The following SLCO1B3 variants were observed in gnomAD, a reference collection of about 807,000 sequenced individuals.
The protein encoded by SLCO1B3 is solute carrier organic anion transporter family member 1B3, also known as liver-specific organic anion transporter 2.
In SLCO1B3, 72 loss-of-function variants were observed where a neutral mutation model predicts 71.8. The ratio of observed to expected loss-of-function variants is 1.00; its 90% CI spans 0.83 to 1.22. The LOEUF is 1.22. Among genes scored for constraint, SLCO1B3 ranks in the 50% most tolerant of loss-of-function variants. The probability of loss-of-function intolerance (pLI) is 0.00; values close to 1 mark genes in which losing one functional copy is unlikely to be tolerated. For synonymous variants in SLCO1B3, 298 were observed against 278.4 expected (o/e 1.07, Z -0.70); for missense variants, 911 against 819.7 (o/e 1.11, Z -1.36).
At chr12:20,819,451 A>C (rs187211100) in intron 3 of SLCO1B3, among the ~76,000 whole-genome samples, 1 of 152,276 alleles carries the variant, frequency 6.6e-6, no homozygotes, top group African/African-American at 2.4e-5. Context: ...AAGCGAAGAG[A>C]GGCTTGGATG....
intron 3 of SLCO1B3, among the ~76,000 whole-genome samples, chr12:20,843,802 T>A (rs1041923672): frequency 5.3e-5 from 8 of 151,730 alleles, no homozygotes; most frequent in African/African-American, 1.9e-4. Flanking sequence ...AAAGTACTAT[T>A]AATCTTTTGT....
intron 3 of SLCO1B3, among the ~76,000 whole-genome samples, chr12:20,842,101 G>A (rs1441328512): frequency 6.6e-6 from 1 of 151,834 alleles, no homozygotes. Flanking sequence ...TCACCGTATT[G>A]GTCAGGCTGG....
chr12:20,830,739 G>C (rs1180072971), intron 3 of SLCO1B3, among the ~76,000 whole-genome samples: 1 of 152,130 alleles, frequency 6.6e-6, no homozygotes, highest in Non-Finnish European at 1.5e-5. Context: ...AGGGAACATA[G>C]AGTTTGTTTG....
chr12:20,884,772 GAAA>G (rs954353165), intron 13 of SLCO1B3, among the ~76,000 whole-genome samples: 4 of 141,496 alleles, frequency 2.8e-5, no homozygotes, highest in Admixed American at 7.0e-5. Flanking sequence ...TGACATGGTA[GAAA>G]AAAAAAAAGC....
At chr12:20,816,383 C>T (rs1864194252) in intron 3 of SLCO1B3, among the ~76,000 whole-genome samples, 1 of 152,156 alleles carries the variant, frequency 6.6e-6, no homozygotes, top group African/African-American at 2.4e-5. Context: ...TGGTAACCAT[C>T]CTTCTACTCA....
At chr12:20,880,246 A>G (rs574412526) in intron 11 of SLCO1B3, among the ~76,000 whole-genome samples, 20 of 151,274 alleles carry the variant, frequency 1.3e-4, no homozygotes, top group Admixed American at 1.1e-3. Flanking sequence ...ACAGTATTAT[A>G]GTTTTATTCA....
chr12:20,841,596 CA>C lies in SLCO1B3; in HGVS notation c.85-13431del, dbSNP rs1294488263. ...TTCTTTTCAACTTTTATTTTAGGTT[CA>C]GGGGGTACATATGCAGGTTTGTTAC... On this transcript the variant is annotated intron_variant, in intron 3 of 15. Coordinates refer to ENST00000381545, the MANE Select transcript of SLCO1B3 (RefSeq NM_019844.4). Among the ~76,000 whole-genome samples the C allele has an allele frequency of 9.2e-5, 14 of 152,124 alleles. No individual in the cohort carries two copies. The East Asian group carries it at 1.7e-3, about 19-fold the overall frequency.
chr12:20,874,274 G>T (rs1865533920), intron 8 of SLCO1B3, among the ~76,000 whole-genome samples: 1 of 152,142 alleles, frequency 6.6e-6, no homozygotes. Context: ...AGTTTAAACT[G>T]CTAGTTTTTC....
At chr12:20,866,721 C>T (rs1865379149) in intron 8 of SLCO1B3, among the ~76,000 whole-genome samples, 1 of 80,850 alleles carries the variant, frequency 1.2e-5, no homozygotes, top group Admixed American at 1.6e-4. Context: ...GATGAAAGTG[C>T]CCTATTCTGG....
At chr12:20,850,639 T>C (rs544290856) in intron 3 of SLCO1B3, among the ~76,000 whole-genome samples, 2 of 152,330 alleles carry the variant, frequency 1.3e-5, no homozygotes, top group East Asian at 1.9e-4. Flanking sequence ...AGGTAGTTTT[T>C]CTATTCGCTG....
intron 4 of SLCO1B3, among the ~76,000 whole-genome samples, chr12:20,857,353 A>G (rs2121233478): frequency 6.6e-6 from 1 of 152,018 alleles, no homozygotes; most frequent in East Asian, 1.9e-4. Flanking sequence ...TTCTTCCTGT[A>G]TTTTATTCTT....
Position 20,916,363 on chromosome 12 carries a change from C to A in SLCO1B3, c.*116C>A. On this transcript the variant is annotated 3_prime_UTR_variant, in exon 16 of 16. Coordinates refer to ENST00000381545, the MANE Select transcript of SLCO1B3 (RefSeq NM_019844.4). ...GATAAGTCTATGCATCTATAATAAA[C>A]TATAAAAAATGGGAGTACCCATGGT... 1.0e-6 allele frequency: 1 copy of A among 989,696 alleles called. No individual in the cohort carries two copies. The highest frequency in any genetic ancestry group is 1.5e-6 in the Non-Finnish European group (1 of 668,312). 61.3% of individuals were successfully genotyped at this position (989,696 alleles called of 1,614,324 possible).
intron 3 of SLCO1B3, among the ~76,000 whole-genome samples, chr12:20,848,442 A>C (rs1864958561): frequency 6.6e-6 from 1 of 152,182 alleles, no homozygotes; most frequent in South Asian, 2.1e-4. Context: ...TTATGAATCT[A>C]AAGACAGGCT....
chr12:20,857,491 A>G (rs1379061056), intron 4 of SLCO1B3, among the ~76,000 whole-genome samples: 2 of 151,070 alleles, frequency 1.3e-5, no homozygotes, highest in Non-Finnish European at 3.0e-5. Context: ...GTGTGATGTC[A>G]TCTTTTATAT....
chr12:20,896,207 C>T (rs1866003707), intron 13 of SLCO1B3, among the ~76,000 whole-genome samples: 1 of 63,692 alleles, frequency 1.6e-5, no homozygotes, highest in Admixed American at 1.8e-4. Flanking sequence ...AATTAACATT[C>T]AGCTTTCAAA....
chr12:20,852,695 T>C (rs941783471), intron 3 of SLCO1B3, among the ~76,000 whole-genome samples: 3 of 152,218 alleles, frequency 2.0e-5, no homozygotes, highest in Non-Finnish European at 4.4e-5. Flanking sequence ...TTATCTTTTT[T>C]ATGATCTAGT....
chr12:20,892,621 A>G (rs1334185592), intron 13 of SLCO1B3, among the ~76,000 whole-genome samples: 1 of 152,182 alleles, frequency 6.6e-6, no homozygotes, highest in African/African-American at 2.4e-5. Context: ...GTAGTGATGA[A>G]GAATATTGAA....
chr12:20,844,865 A>G (rs983495325), intron 3 of SLCO1B3, among the ~76,000 whole-genome samples: 3 of 151,998 alleles, frequency 2.0e-5, no homozygotes, highest in Non-Finnish European at 4.4e-5. Context: ...CCACATCTCT[A>G]TTAAAAATAC....
chr12:20,862,340 T>A, intron 6 of SLCO1B3, 72 bp from the exon 7 acceptor site: 1 of 1,462,030 alleles, frequency 6.8e-7, no homozygotes, highest in East Asian at 2.4e-5. Context: ...AATGAAGGAT[T>A]TAAAGTAGTT....
Sources: allele counts gnomAD v4.1 joint callset (sites outside exome capture counted in the v4.1 genomes callset), GRCh38; gene constraint gnomAD v4.1.1; transcripts MANE v1.5; gene names NCBI Gene and HGNC (gene_info 2026-07-23, HGNC 2026-07-21).